NRG3: variants seen among roughly 807,000 people sequenced by gnomAD.
NRG3 encodes neuregulin 3.
Under a neutral mutation model 66.9 loss-of-function variants are expected in NRG3, and 31 were observed. The observed-to-expected ratio is 0.46, with a 90% CI of 0.35 to 0.63. NRG3 has a LOEUF of 0.63. NRG3 is among the 20% of genes least tolerant of loss of function. The pLI, the probability that NRG3 is intolerant of heterozygous loss-of-function variation, is 0.00. For missense variants in NRG3, 910 were observed against 878.9 expected (o/e 1.04, Z -0.45); for synonymous variants, 393 against 359.4 (o/e 1.09, Z -1.06).
intron 1 of NRG3, among the ~76,000 whole-genome samples, chr10:82,165,883 C>T (rs2072010022): frequency 6.6e-6 from 1 of 151,846 alleles, no homozygotes; most frequent in Admixed American, 6.6e-5. Context: ...AAGCTAAGTA[C>T]ATCTAGTCAA....
intron 1 of NRG3, among the ~76,000 whole-genome samples, chr10:82,068,950 A>C (rs2133306783): frequency 6.6e-6 from 1 of 152,344 alleles, no homozygotes; most frequent in Non-Finnish European, 1.5e-5. Context: ...ATTTAAAATA[A>C]GTCAACCACC....
chr10:82,064,654 G>A (rs1336162061), intron 1 of NRG3, among the ~76,000 whole-genome samples: 3 of 152,136 alleles, frequency 2.0e-5, no homozygotes, highest in Non-Finnish European at 2.9e-5. Context: ...ACACTTATGA[G>A]CATTTAAGTA....
chr10:82,673,244 A>T (rs12263372), intron 2 of NRG3, among the ~76,000 whole-genome samples: 8,422 of 152,188 alleles, frequency 0.055, 282 homozygotes, highest in East Asian at 0.082. Context: ...GCCTCCCTTG[A>T]CTCTGAGCTT....
At chr10:82,345,742 A>G (rs941140958) in intron 1 of NRG3, among the ~76,000 whole-genome samples, 3 of 151,710 alleles carry the variant, frequency 2.0e-5, no homozygotes, top group Admixed American at 6.6e-5. Context: ...TATTTCCTTG[A>G]GCAGTGGTTT....
At chr10:82,251,787 A>G (rs1190563730) in intron 1 of NRG3, among the ~76,000 whole-genome samples, 2 of 152,170 alleles carry the variant, frequency 1.3e-5, no homozygotes, top group Non-Finnish European at 2.9e-5. Context: ...CAGCACTGAC[A>G]CTAAATAAAG....
intron 1 of NRG3, among the ~76,000 whole-genome samples, chr10:82,183,998 C>G (rs2073624483): frequency 6.6e-6 from 1 of 151,982 alleles, no homozygotes; most frequent in African/African-American, 2.4e-5. Context: ...TACTTTTTTG[C>G]AAGAGGAATA....
intron 2 of NRG3, among the ~76,000 whole-genome samples, chr10:82,675,590 G>T (rs1205157402): frequency 6.6e-6 from 1 of 152,152 alleles, no homozygotes; most frequent in Non-Finnish European, 1.5e-5. Flanking sequence ...GCAGAATTCA[G>T]CCCCCTCTAT....
intron 1 of NRG3, among the ~76,000 whole-genome samples, chr10:81,892,932 A>G (rs1384501251): frequency 6.6e-6 from 1 of 152,218 alleles, no homozygotes; most frequent in Non-Finnish European, 1.5e-5. Flanking sequence ...CATGTAATCC[A>G]TAAATATATG....
chr10:82,845,740 A>G (rs961847101), intron 3 of NRG3, among the ~76,000 whole-genome samples: 3 of 152,210 alleles, frequency 2.0e-5, no homozygotes, highest in Admixed American at 1.3e-4. Flanking sequence ...GGAAAAAATG[A>G]ATAAAATGAA....
chr10:82,770,954 G>A, intron 3 of NRG3, among the ~76,000 whole-genome samples: 1 of 152,138 alleles, frequency 6.6e-6, no homozygotes, highest in East Asian at 1.9e-4. Flanking sequence ...TGAGCCTCTG[G>A]CATGAACTCC....
chr10:81,944,228 C>T (rs747630935), intron 1 of NRG3, among the ~76,000 whole-genome samples: 1 of 152,174 alleles, frequency 6.6e-6, no homozygotes, highest in Non-Finnish European at 1.5e-5. Context: ...TCAGAAGAGA[C>T]AACATAGAGC....
At chr10:82,259,049 C>G (rs1221675465) in intron 1 of NRG3, among the ~76,000 whole-genome samples, 3 of 152,116 alleles carry the variant, frequency 2.0e-5, no homozygotes, top group Non-Finnish European at 2.9e-5. Flanking sequence ...GTGACAGTCT[C>G]TGGGATTATT....
At chr10:82,799,483 G>A (rs530107442) in intron 3 of NRG3, among the ~76,000 whole-genome samples, 15 of 142,328 alleles carry the variant, frequency 1.1e-4, no homozygotes, top group East Asian at 2.0e-4. Flanking sequence ...GTGAGATTGC[G>A]CCATTGCACT....
chr10:82,550,639 G>T (rs542491632), intron 2 of NRG3, among the ~76,000 whole-genome samples: 1 of 152,214 alleles, frequency 6.6e-6, no homozygotes, highest in Non-Finnish European at 1.5e-5. Context: ...AATTCCTTGG[G>T]TTGTCCTATG....
intron 2 of NRG3, among the ~76,000 whole-genome samples, chr10:82,517,361 C>T (rs1224494280): frequency 6.6e-6 from 1 of 152,108 alleles, no homozygotes; most frequent in Admixed American, 6.6e-5. Flanking sequence ...GCAGTTTTCT[C>T]TGTCATTTAA....
chr10:82,467,451 T>C (rs1451983116), intron 2 of NRG3, among the ~76,000 whole-genome samples: 3 of 152,192 alleles, frequency 2.0e-5, no homozygotes, highest in Non-Finnish European at 2.9e-5. Flanking sequence ...TGGGATATGT[T>C]TTCCTTTGAT....
chr10:82,497,558 A>G (rs1049398647), intron 2 of NRG3, among the ~76,000 whole-genome samples: 1 of 152,022 alleles, frequency 6.6e-6, no homozygotes, highest in Non-Finnish European at 1.5e-5. Flanking sequence ...CTTCTTTTTA[A>G]AAGCTGAATA....
chr10:82,647,161 G>C (rs867391572), intron 2 of NRG3, among the ~76,000 whole-genome samples: 1 of 150,134 alleles, frequency 6.7e-6, no homozygotes, highest in Non-Finnish European at 1.5e-5. Context: ...CCACTCCCCC[G>C]ACCCCACAAC....
chr10:82,539,665 G>A lies in NRG3; in HGVS notation c.953+180797G>A, dbSNP rs147459956. Among the ~76,000 whole-genome samples, 1,274 of 151,496 alleles carry A rather than the reference G, an allele frequency of 8.4e-3. 17 individuals are homozygous for A. Among genetic ancestry groups the A allele is most frequent in the African/African-American group, 0.026 (1,070 of 41,226 alleles). ...TTGTTTTTGTTTTTAATGGAGTCTCGCTTTGTCCCCCAGGCTGGAGTGCAG... is the reference window on the plus strand; with the variant it reads ...TTGTTTTTGTTTTTAATGGAGTCTCACTTTGTCCCCCAGGCTGGAGTGCAG... On this transcript the variant is annotated intron_variant, in intron 2 of 8. Coordinates refer to ENST00000372141, the MANE Select transcript of NRG3 (RefSeq NM_001010848.4).
Sources: gnomAD v4.1 joint callset for allele counts (sites outside exome capture counted in the v4.1 genomes callset) on GRCh38, gnomAD v4.1.1 for gene constraint, MANE v1.5 for transcripts, NCBI Gene and HGNC (gene_info 2026-07-23, HGNC 2026-07-21) for gene names.